Variants in LRRC9 observed in about 807,000 individuals in gnomAD.
LRRC9 encodes leucine rich repeat containing 9, also known as leucine-rich repeat-containing protein 9.
A neutral mutation model predicts 63.2 loss-of-function variants in LRRC9; 122 were observed. The observed-to-expected ratio is 1.93, with a 90% confidence interval of 1.67 to 2.24. The LOEUF (loss-of-function observed/expected upper bound fraction) is 2.24. LRRC9 is among the 30% of genes most tolerant of loss of function. The pLI is 0.00. For missense variants in LRRC9, 1,071 were observed against 627.7 expected (o/e 1.71, Z -7.55); for synonymous variants, 366 against 213.1 (o/e 1.72, Z -6.25).
intron 8 of LRRC9, among the ~76,000 whole-genome samples, chr14:59,947,190 A>T (rs1342371961): frequency 6.6e-6 from 1 of 151,414 alleles, no homozygotes; most frequent in Non-Finnish European, 1.5e-5. Context: ...CTTTTTAATG[A>T]TCACCATTCT....
intron 29 of LRRC9, among the ~76,000 whole-genome samples, chr14:60,041,714 T>G (rs892958575): frequency 6.6e-6 from 1 of 152,170 alleles, no homozygotes; most frequent in Admixed American, 6.5e-5. Flanking sequence ...GATAAGTTTA[T>G]TATTACTGAT....
intron 19 of LRRC9, 33 bp from the exon 20 acceptor site, chr14:60,001,933 C>T: frequency 3.2e-6 from 2 of 624,154 alleles, no homozygotes; most frequent in Non-Finnish European, 5.7e-6. Flanking sequence ...TATACTGTTT[C>T]CTTTTTTCAC....
chr14:59,966,410 A>G lies in LRRC9; in HGVS notation c.1212-179A>G, dbSNP rs896765342. Reference sequence around the variant, plus strand: ...AGATTGCTCAACCAACCTGTCTTCCAGGCAGAACAAATGTGCAATAAATGA... The same window carrying G: ...AGATTGCTCAACCAACCTGTCTTCCGGGCAGAACAAATGTGCAATAAATGA... On this transcript the variant is annotated intron_variant, in intron 10 of 31. Transcript: ENST00000445360. The surrounding 1 kb of genome is among the most constrained non-coding windows in gnomAD (Gnocchi z 4.0). Among the ~76,000 whole-genome samples the G allele has an allele frequency of 2.0e-5, 3 of 152,258 alleles. No homozygotes were observed. Among genetic ancestry groups the G allele is most frequent in the Non-Finnish European group, 2.9e-5 (2 of 68,044 alleles).
chr14:60,041,455 T>C (rs950109663), intron 29 of LRRC9, among the ~76,000 whole-genome samples: 2 of 152,090 alleles, frequency 1.3e-5, no homozygotes, highest in African/African-American at 4.8e-5. Context: ...GCTTTATGCA[T>C]TTTTTACTCT....
rs1051689609 is a variant in LRRC9, at chr14:59,922,961, T to G, written c.-34+3078T>G. Among the ~76,000 whole-genome samples the G allele has an allele frequency of 6.6e-6, 1 of 152,254 alleles. No homozygotes were observed. Among genetic ancestry groups the G allele is most frequent in the Admixed American group, 6.5e-5 (1 of 15,280 alleles). ...ATCCAAAGTGGAAAGATTAATCCTA[T>G]GCAGTTTGAGGTGTAAAAGCTATAG... On this transcript the variant is annotated intron_variant, in intron 1 of 31. Coordinates refer to ENST00000445360, the Ensembl canonical transcript of LRRC9. This position sits in a 1 kb window ranked among gnomAD's most constrained non-coding sequence, Gnocchi z 5.3.
chr14:60,034,580 T>C (rs973781044), intron 29 of LRRC9, among the ~76,000 whole-genome samples: 2 of 152,116 alleles, frequency 1.3e-5, no homozygotes. Context: ...CTCCCACATA[T>C]GAGTGAGGAC....
chr14:59,976,034 G>C (rs1279737190), intron 13 of LRRC9, among the ~76,000 whole-genome samples: 1 of 152,164 alleles, frequency 6.6e-6, no homozygotes, highest in Admixed American at 6.5e-5. Flanking sequence ...ATTCTTATAG[G>C]GGCGCGAACC....
At chr14:60,049,573 T>C (rs573774628) in intron 29 of LRRC9, among the ~76,000 whole-genome samples, 7 of 152,344 alleles carry the variant, frequency 4.6e-5, no homozygotes, top group African/African-American at 7.2e-5. Context: ...ATGTTGAACA[T>C]TGGCCCCCAG....
chr14:60,054,802 C>G (rs1370881015), intron 30 of LRRC9, among the ~76,000 whole-genome samples: 1 of 151,870 alleles, frequency 6.6e-6, no homozygotes, highest in Non-Finnish European at 1.5e-5. Context: ...TGCTCTGCTG[C>G]CCAGGCTGGA....
At chr14:60,008,626 G>A (rs999644073) in intron 23 of LRRC9, among the ~76,000 whole-genome samples, 1 of 152,124 alleles carries the variant, frequency 6.6e-6, no homozygotes, top group Non-Finnish European at 1.5e-5. Flanking sequence ...CATGTGGTAT[G>A]TCAACATTAC....
Position 59,966,545 on chromosome 14 carries a change from T to C in LRRC9, c.1212-44T>C. 1.9e-6 allele frequency: 1 copy of C among 516,712 alleles called. No homozygotes were observed. The highest frequency in any genetic ancestry group is 3.5e-6 in the Non-Finnish European group (1 of 287,620). The allele number at this position is 516,712 out of a possible 1,614,324, so 32.0% of individuals were successfully genotyped here. ...CTGTTCTTAAACATTTTAAGGAAAATCTATTATTTTCTTCATGTATATTCT... is the reference window on the plus strand; with the variant it reads ...CTGTTCTTAAACATTTTAAGGAAAACCTATTATTTTCTTCATGTATATTCT... On this transcript the variant is annotated intron_variant, in intron 10 of 31. Transcript: ENST00000445360. This position sits in a 1 kb window ranked among gnomAD's most constrained non-coding sequence, Gnocchi z 4.0.
intron 29 of LRRC9, among the ~76,000 whole-genome samples, chr14:60,049,838 C>G (rs974224984): frequency 6.6e-6 from 1 of 151,914 alleles, no homozygotes; most frequent in Admixed American, 6.6e-5. Context: ...TAGATAATAT[C>G]CTGAAGTATA....
chr14:59,954,477 A>G (rs578185853), intron 8 of LRRC9, among the ~76,000 whole-genome samples: 2 of 152,264 alleles, frequency 1.3e-5, no homozygotes, highest in East Asian at 1.9e-4. Flanking sequence ...TTATTGGTGT[A>G]TAGGAATGCT....
At position 59,927,781 on chromosome 14, in the gene LRRC9, C is replaced by T; in HGVS notation, c.-33-130C>T. On this transcript the variant is annotated intron_variant, in intron 1 of 31. Transcript: ENST00000445360. The surrounding 1 kb of genome is among the most constrained non-coding windows in gnomAD (Gnocchi z 4.4). ...AACTCCCTCAGAGTTTATACAGATA[C>T]TTGGTAATATACTATGTGAAGATTT... The T allele has an allele frequency of 2.4e-6, 1 of 410,436 alleles. No individual in the cohort carries two copies. The highest frequency in any genetic ancestry group is 3.6e-5 in the East Asian group (1 of 27,602). 25.4% of individuals were successfully genotyped at this position (410,436 alleles called of 1,614,324 possible).
Position 60,053,328 on chromosome 14 carries a change from CTATT to C in LRRC9, c.4131+126_4131+129del, listed in dbSNP as rs1894029823. ...TTTTTGATAAGGATGATCTTAGTAT[CTATT>C]TAGTGATTACTATCAAAGGCAGCTG... On this transcript the variant is annotated intron_variant, in intron 30 of 31. Coordinates refer to ENST00000445360, the Ensembl canonical transcript of LRRC9. This position sits in a 1 kb window ranked among gnomAD's most constrained non-coding sequence, Gnocchi z 4.8. 6 of 546,350 alleles carry C rather than the reference CTATT, an allele frequency of 1.1e-5. No individual in the cohort carries two copies. Among genetic ancestry groups the C allele is most frequent in the East Asian group, 3.1e-5 (1 of 32,336 alleles). The allele number at this position is 546,350 out of a possible 1,614,324, so 33.8% of individuals were successfully genotyped here. A position where few individuals can be genotyped will look rare whatever the true frequency, so the allele number is the denominator to read the frequency against.
At chr14:59,980,434 C>T (rs1216582379) in intron 15 of LRRC9, among the ~76,000 whole-genome samples, 1 of 152,160 alleles carries the variant, frequency 6.6e-6, no homozygotes, top group Non-Finnish European at 1.5e-5. Flanking sequence ...TCCCCTTCCT[C>T]TGTCCCCACT....
At chr14:60,032,209 A>T in intron 29 of LRRC9, 146 bp downstream of exon 29, 1 of 562,564 alleles carries the variant, frequency 1.8e-6, no homozygotes, top group Non-Finnish European at 3.1e-6. Flanking sequence ...ACTTCTTCCA[A>T]CTAATTACAG....
rs541647034 is a variant in LRRC9, at chr14:59,962,875, T to C, written c.1211+1830T>C. ...ATTAGATAGCTTTGATGGATTTTGA[T>C]TAGCATTAACCTGTTTACTTGGTTT... On this transcript the variant is annotated intron_variant, in intron 10 of 31. Transcript: ENST00000445360. This position sits in a 1 kb window ranked among gnomAD's most constrained non-coding sequence, Gnocchi z 5.1. Among the ~76,000 whole-genome samples the C allele has an allele frequency of 3.3e-5, 5 of 152,322 alleles. No homozygotes were observed. The highest frequency in any genetic ancestry group is 1.2e-4 in the African/African-American group (5 of 41,576).
intron 6 of LRRC9, among the ~76,000 whole-genome samples, chr14:59,937,783 A>G (rs1881196702): frequency 2.0e-5 from 3 of 152,182 alleles, no homozygotes; most frequent in Non-Finnish European, 4.4e-5. Context: ...GTGCATATCA[A>G]TCCCTCCTCA....
Sources: gnomAD v4.1 joint callset for allele counts (sites outside exome capture counted in the v4.1 genomes callset) on GRCh38, gnomAD v4.1.1 for gene constraint, Gnocchi (gnomAD v3.1) non-coding constraint, MANE v1.5 for transcripts, NCBI Gene and HGNC (gene_info 2026-07-23, HGNC 2026-07-21) for gene names.